Variants in HDAC9 observed in about 807,000 individuals in gnomAD.
The protein encoded by HDAC9 is histone deacetylase 9.
A neutral mutation model predicts 139.4 loss-of-function variants in HDAC9; 41 were observed. The observed-to-expected ratio is 0.29, with a 90% confidence interval of 0.23 to 0.38. The LOEUF is 0.38. Among genes scored for constraint, HDAC9 ranks in the 10% least tolerant of loss-of-function variants. The pLI, the probability that HDAC9 is intolerant of heterozygous loss-of-function variation, is 1.00. For synonymous variants in HDAC9, 517 were observed against 476.2 expected (o/e 1.09, Z -1.12); for missense variants, 1,147 against 1,297.0 (o/e 0.88, Z 1.78).
chr7:18,298,446 C>A (rs186423664), intron 1 of HDAC9, among the ~76,000 whole-genome samples: 1 of 152,188 alleles, frequency 6.6e-6, no homozygotes, highest in African/African-American at 2.4e-5. Context: ...CTCCCCACCC[C>A]ACCACAGTCC....
At chr7:18,210,734 A>G (rs922713739) in intron 2 of HDAC9, among the ~76,000 whole-genome samples, 2 of 152,214 alleles carry the variant, frequency 1.3e-5, no homozygotes, top group African/African-American at 4.8e-5. Context: ...CTAGATTTGG[A>G]CATGAAGTAG....
chr7:18,863,082 G>A (rs1407401113), intron 21 of HDAC9, among the ~76,000 whole-genome samples: 6 of 152,182 alleles, frequency 3.9e-5, no homozygotes, highest in Non-Finnish European at 5.9e-5. Context: ...AGGAAAGGAC[G>A]ATTTTCTGAT....
At chr7:18,376,554 G>A (rs1011710382) in intron 1 of HDAC9, among the ~76,000 whole-genome samples, 5 of 151,942 alleles carry the variant, frequency 3.3e-5, no homozygotes, top group African/African-American at 4.8e-5. Context: ...CTGTTGCTTC[G>A]GGTGCCTGGC....
chr7:18,952,370 G>C (rs570980230), intron 23 of HDAC9, among the ~76,000 whole-genome samples: 63 of 151,908 alleles, frequency 4.1e-4, no homozygotes, highest in Non-Finnish European at 7.5e-4. Flanking sequence ...TATATGATCT[G>C]CCTATAGCTT....
chr7:18,832,145 T>A lies in HDAC9; in HGVS notation c.2466+2597T>A, dbSNP rs186559576. Among the ~76,000 whole-genome samples, 8 of 152,320 alleles carry A rather than the reference T, an allele frequency of 5.3e-5. No individual in the cohort carries two copies. In the East Asian group the frequency reaches 1.5e-3, roughly 29 times the overall value. On this transcript the variant is annotated intron_variant, in intron 19 of 25. Coordinates refer to ENST00000686413, the MANE Select transcript of HDAC9 (RefSeq NM_178425.4). ...ACTTGCTTTTCAACTTGCAAGAGAC[T>A]GACCATTGTGTTTAGGGGATTAACT... is the stretch of plus-strand genomic sequence containing the variant.
At chr7:18,873,123 A>G (rs1799058279) in intron 21 of HDAC9, among the ~76,000 whole-genome samples, 1 of 152,160 alleles carries the variant, frequency 6.6e-6, no homozygotes, top group Non-Finnish European at 1.5e-5. Flanking sequence ...CCATAATGTA[A>G]GGTTTGTAAT....
intron 8 of HDAC9, among the ~76,000 whole-genome samples, chr7:18,635,597 C>T (rs1207071283): frequency 1.3e-5 from 2 of 152,096 alleles, no homozygotes; most frequent in African/African-American, 4.8e-5. Flanking sequence ...GTTTTGAAGT[C>T]ATCAACAATT....
At chr7:18,130,609 A>G (rs575871362) in intron 1 of HDAC9, among the ~76,000 whole-genome samples, 2 of 152,256 alleles carry the variant, frequency 1.3e-5, no homozygotes, top group South Asian at 4.2e-4. Context: ...CACTACAATC[A>G]ATTTTAGAAC....
At chr7:18,687,187 A>G (rs1037484466) in intron 12 of HDAC9, among the ~76,000 whole-genome samples, 8 of 151,822 alleles carry the variant, frequency 5.3e-5, no homozygotes, top group Non-Finnish European at 1.2e-4. Context: ...TTATTTCTGT[A>G]TATACACATT....
At chr7:18,089,167 A>G (rs1372620037) in intron 1 of HDAC9, among the ~76,000 whole-genome samples, 1 of 152,134 alleles carries the variant, frequency 6.6e-6, no homozygotes, top group Non-Finnish European at 1.5e-5. Flanking sequence ...GAAGGAAGTT[A>G]AGGAGTTTTA....
chr7:18,449,509 A>G (rs1792600700), intron 1 of HDAC9, among the ~76,000 whole-genome samples: 2 of 152,138 alleles, frequency 1.3e-5, no homozygotes, highest in South Asian at 4.1e-4. Flanking sequence ...TGGTGTTCAA[A>G]TGTTTTCTTT....
intron 1 of HDAC9, among the ~76,000 whole-genome samples, chr7:18,472,188 A>G (rs1453970156): frequency 6.6e-6 from 1 of 152,162 alleles, no homozygotes; most frequent in Non-Finnish European, 1.5e-5. Context: ...TATAATATCT[A>G]TCCCTCTCTA....
intron 22 of HDAC9, among the ~76,000 whole-genome samples, chr7:18,933,523 T>C (rs1006084493): frequency 4.0e-5 from 6 of 151,722 alleles, no homozygotes; most frequent in African/African-American, 1.5e-4. Flanking sequence ...AATTTCCATA[T>C]ATAAATTTTG....
At chr7:18,803,573 A>G (rs1329848292) in intron 17 of HDAC9, among the ~76,000 whole-genome samples, 2 of 152,142 alleles carry the variant, frequency 1.3e-5, no homozygotes, top group Non-Finnish European at 2.9e-5. Context: ...CAAAGTTGAT[A>G]GTTTCTCTCA....
At chr7:18,814,295 AT>A (rs1794406036) in intron 17 of HDAC9, among the ~76,000 whole-genome samples, 1 of 152,222 alleles carries the variant, frequency 6.6e-6, no homozygotes, top group Admixed American at 6.5e-5. Context: ...TTCTACTGCT[AT>A]ATTTTTACCT....
At chr7:18,792,629 C>T (rs1792424429) in intron 16 of HDAC9, among the ~76,000 whole-genome samples, 1 of 152,188 alleles carries the variant, frequency 6.6e-6, no homozygotes, top group African/African-American at 2.4e-5. Context: ...GATAAGCAAC[C>T]ATCTATTTTA....
intron 1 of HDAC9, among the ~76,000 whole-genome samples, chr7:18,353,658 A>C (rs753864355): frequency 6.6e-6 from 1 of 152,200 alleles, no homozygotes. Flanking sequence ...ACAGCATATA[A>C]ATGAAAAACA....
intron 1 of HDAC9, among the ~76,000 whole-genome samples, chr7:18,324,355 A>G (rs1029698909): frequency 6.6e-6 from 1 of 152,196 alleles, no homozygotes; most frequent in Non-Finnish European, 1.5e-5. Flanking sequence ...TTGGCAAATT[A>G]CTTCACCTCT....
At chr7:18,893,476 G>T (rs1231142890) in intron 22 of HDAC9, among the ~76,000 whole-genome samples, 1 of 152,100 alleles carries the variant, frequency 6.6e-6, no homozygotes, top group African/African-American at 2.4e-5. Context: ...AAAACTCCCT[G>T]TTTGCATGTG....
Sources: allele counts gnomAD v4.1 joint callset (sites outside exome capture counted in the v4.1 genomes callset), GRCh38; gene constraint gnomAD v4.1.1; transcripts MANE v1.5; gene names NCBI Gene and HGNC (gene_info 2026-07-23, HGNC 2026-07-21).